The following ELOVL7 variants were observed in gnomAD, a reference collection of about 807,000 sequenced individuals.
ELOVL7 encodes the protein ELOVL fatty acid elongase 7.
ELOVL7 carries 27 observed loss-of-function variants against 35.7 expected under a neutral mutation model. That is an observed-to-expected ratio of 0.76 (90% CI 0.56 to 1.04). The LOEUF is 1.04. Ranked by LOEUF, ELOVL7 falls within the 50% of genes least tolerant of loss-of-function variation. The pLI, the probability that ELOVL7 is intolerant of heterozygous loss-of-function variation, is 0.00. For missense variants in ELOVL7, 327 were observed against 340.8 expected (o/e 0.96, Z 0.32); for synonymous variants, 113 against 114.6 (o/e 0.99, Z 0.09).
intron 1 of ELOVL7, among the ~76,000 whole-genome samples, chr5:60,805,287 C>T (rs1298799073): frequency 6.6e-6 from 1 of 152,144 alleles, no homozygotes; most frequent in Non-Finnish European, 1.5e-5. Flanking sequence ...AAAATCCTGG[C>T]TTCATGAGAT....
In ELOVL7 at chr5:60,751,796, G is replaced by T. The variant is rs1192287548; in HGVS notation, c.*2828C>A. The T allele has an allele frequency of 1.3e-5, 2 of 152,102 alleles. No individual in the cohort carries two copies. The highest frequency in any genetic ancestry group is 4.8e-5 in the African/African-American group (2 of 41,426). 9.4% of individuals were successfully genotyped at this position (152,102 alleles called of 1,614,324 possible). On this transcript the variant is annotated 3_prime_UTR_variant, in exon 9 of 9. Transcript: ENST00000508821. ...ATGAAAAATATACACACGTATACATGCAATACCACAAATTTATTATAATAC... is the reference window on the plus strand; with the variant it reads ...ATGAAAAATATACACACGTATACATTCAATACCACAAATTTATTATAATAC...
At chr5:60,831,249 T>C (rs1746465333) in intron 1 of ELOVL7, among the ~76,000 whole-genome samples, 1 of 152,244 alleles carries the variant, frequency 6.6e-6, no homozygotes, top group Non-Finnish European at 1.5e-5. Context: ...CATGTTAACC[T>C]AATCTGCCTA....
chr5:60,837,267 T>C (rs1281087616), intron 1 of ELOVL7, among the ~76,000 whole-genome samples: 1 of 128,226 alleles, frequency 7.8e-6, no homozygotes, highest in Non-Finnish European at 1.6e-5. Context: ...ACCCCGTCTC[T>C]ACTAAAAATA....
At chr5:60,784,106 T>C in intron 3 of ELOVL7, 1 of 1,466,044 alleles carries the variant, frequency 6.8e-7, no homozygotes. Flanking sequence ...AGAATATTAA[T>C]GGGCTTTTCC....
intron 1 of ELOVL7, among the ~76,000 whole-genome samples, chr5:60,801,443 C>T (rs949971255): frequency 3.3e-5 from 5 of 152,040 alleles, no homozygotes; most frequent in Admixed American, 1.3e-4. Flanking sequence ...GGCTCACATC[C>T]GTAATCCCAG....
At chr5:60,789,348 CA>C (rs1217391906) in intron 2 of ELOVL7, among the ~76,000 whole-genome samples, 1 of 152,174 alleles carries the variant, frequency 6.6e-6, no homozygotes, top group African/African-American at 2.4e-5. Context: ...GGCACTCAAA[CA>C]TATGAAAAGT....
intron 7 of ELOVL7, among the ~76,000 whole-genome samples, chr5:60,757,967 T>G (rs2112123602): frequency 6.6e-6 from 1 of 152,258 alleles, no homozygotes; most frequent in African/African-American, 2.4e-5. Flanking sequence ...GTAATAATGT[T>G]CATATTGTAG....
At position 60,844,142 on chromosome 5, in the gene ELOVL7, C is replaced by T. The variant is rs1361385102; in HGVS notation, c.-86+18G>A. 1 of 152,432 alleles carries T rather than the reference C, an allele frequency of 6.6e-6. No homozygotes were observed. The highest frequency in any genetic ancestry group is 1.5e-5 in the Non-Finnish European group (1 of 68,340). 9.4% of individuals were successfully genotyped at this position (152,432 alleles called of 1,614,324 possible). A position where few individuals can be genotyped will look rare whatever the true frequency, so the allele number is the denominator to read the frequency against. On this transcript the variant is annotated intron_variant, in intron 1 of 8. Transcript: ENST00000508821. ...GAAAGTTTGGCCCCTGCCCGCCGGCCTGGAACCCCGCACTCACCGCACAGG... is the reference window on the plus strand; with the variant it reads ...GAAAGTTTGGCCCCTGCCCGCCGGCTTGGAACCCCGCACTCACCGCACAGG...
At position 60,754,408 on chromosome 5, in the gene ELOVL7, AAAAC is replaced by A; in HGVS notation, c.*212_*215del. The A allele has an allele frequency of 1.9e-6, 1 of 534,572 alleles. No individual in the cohort carries two copies. Among genetic ancestry groups the A allele is most frequent in the Non-Finnish European group, 3.3e-6 (1 of 301,822 alleles). 33.1% of individuals were successfully genotyped at this position (534,572 alleles called of 1,614,324 possible). On this transcript the variant is annotated 3_prime_UTR_variant, in exon 9 of 9. Coordinates refer to ENST00000508821, the MANE Select transcript of ELOVL7 (RefSeq NM_024930.3). ...AAAAGCAGCTAAAAAAACAAAAACA[AAAAC>A]AAAAACAAATTCTGGCTGCTGTAGG...
intron 1 of ELOVL7, among the ~76,000 whole-genome samples, chr5:60,803,333 T>C (rs1744751411): frequency 6.6e-6 from 1 of 152,206 alleles, no homozygotes; most frequent in Non-Finnish European, 1.5e-5. Flanking sequence ...GAGACAATGT[T>C]GGCTGTAGCC....
At chr5:60,821,453 T>C (rs1745883584) in intron 1 of ELOVL7, among the ~76,000 whole-genome samples, 1 of 152,210 alleles carries the variant, frequency 6.6e-6, no homozygotes, top group Non-Finnish European at 1.5e-5. Flanking sequence ...CAAGCCCAAG[T>C]GCTCCTCCTT....
chr5:60,755,070 A>G (rs1741455874), intron 8 of ELOVL7, among the ~76,000 whole-genome samples: 1 of 152,136 alleles, frequency 6.6e-6, no homozygotes, highest in South Asian at 2.1e-4. Flanking sequence ...CTATATTTAA[A>G]TGTTCCCTGG....
Position 60,766,445 on chromosome 5 carries a change from T to C in ELOVL7, c.393+129A>G, listed in dbSNP as rs1443861921. The C allele has an allele frequency of 8.5e-6, 6 of 703,538 alleles. No individual in the cohort carries two copies. In the East Asian group the frequency reaches 1.6e-4, roughly 18 times the overall value. 43.6% of individuals were successfully genotyped at this position (703,538 alleles called of 1,614,324 possible). A position where few individuals can be genotyped will look rare whatever the true frequency, so the allele number is the denominator to read the frequency against. On this transcript the variant is annotated intron_variant, in intron 6 of 8. Transcript: ENST00000508821. ...AAAGATAACAGTAGGTCTGCCTGAA[T>C]AGGAGAAATAACCAAAGTTATCAGA...
At chr5:60,803,076 T>C (rs925705450) in intron 1 of ELOVL7, among the ~76,000 whole-genome samples, 1 of 152,164 alleles carries the variant, frequency 6.6e-6, no homozygotes, top group Non-Finnish European at 1.5e-5. Context: ...TCCTTCTCAA[T>C]CCTCCTCCAG....
intron 1 of ELOVL7, among the ~76,000 whole-genome samples, chr5:60,826,007 C>G (rs895670667): frequency 6.6e-6 from 1 of 152,224 alleles, no homozygotes; most frequent in Non-Finnish European, 1.5e-5. Flanking sequence ...GGTGGACAGG[C>G]AGGGCACATG....
chr5:60,777,543 C>T (rs1025787625), intron 3 of ELOVL7, among the ~76,000 whole-genome samples: 1 of 151,956 alleles, frequency 6.6e-6, no homozygotes, highest in African/African-American at 2.4e-5. Flanking sequence ...CTTTCATAAG[C>T]AGCTGGATAT....
At chr5:60,782,909 T>C (rs1395649208) in intron 3 of ELOVL7, among the ~76,000 whole-genome samples, 1 of 152,214 alleles carries the variant, frequency 6.6e-6, no homozygotes, top group Non-Finnish European at 1.5e-5. Flanking sequence ...TACTGTATAT[T>C]TCAAAATTGT....
At chr5:60,818,099 C>G (rs1745636091) in intron 1 of ELOVL7, among the ~76,000 whole-genome samples, 1 of 151,680 alleles carries the variant, frequency 6.6e-6, no homozygotes, top group Non-Finnish European at 1.5e-5. Flanking sequence ...AGGTGGATCA[C>G]TTGAGGTCAG....
chr5:60,788,640 T>G (rs537623159), intron 2 of ELOVL7, among the ~76,000 whole-genome samples: 6 of 132,494 alleles, frequency 4.5e-5, no homozygotes, highest in African/African-American at 1.8e-4. Context: ...CTAGGCGTGG[T>G]GACGGGTGCC....
Sources: gnomAD v4.1 joint callset for allele counts (sites outside exome capture counted in the v4.1 genomes callset) on GRCh38, gnomAD v4.1.1 for gene constraint, MANE v1.5 for transcripts, NCBI Gene and HGNC (gene_info 2026-07-23, HGNC 2026-07-21) for gene names.